Variants in PI4KA observed in about 807,000 individuals in gnomAD.
PI4KA encodes phosphatidylinositol 4-kinase alpha, also known as PI4-kinase alpha.
Under a neutral mutation model 271.4 loss-of-function variants are expected in PI4KA, and 122 were observed. That is an observed-to-expected ratio of 0.45 (90% CI 0.39 to 0.52). The LOEUF (loss-of-function observed/expected upper bound fraction) is 0.52, where lower values mean the gene tolerates loss of function less well. Ranked by LOEUF, PI4KA falls within the 20% of genes least tolerant of loss-of-function variation. The pLI, the probability that PI4KA is intolerant of heterozygous loss-of-function variation, is 0.00. For missense variants in PI4KA, 1,969 were observed against 2,769.1 expected (o/e 0.71, Z 6.48); for synonymous variants, 1,041 against 1,078.8 (o/e 0.96, Z 0.69).
rs1236652017 is a variant in PI4KA at position 20,807,352 on chromosome 22, C to T, written c.1168+10G>A. ...CTGTACTCACAAACACATGGGCAAA[C>T]TGTCCTCACCCTTCATGTAGTACAG... On this transcript the variant is annotated intron_variant, in intron 10 of 54. Coordinates refer to ENST00000255882, the MANE Select transcript of PI4KA (RefSeq NM_058004.4). The T allele has an allele frequency of 4.5e-6, 7 of 1,569,750 alleles. No individual in the cohort carries two copies. The South Asian group carries it at 7.8e-5, about 17-fold the overall frequency.
chr22:20,783,836 G>C, intron 19 of PI4KA: 1 of 1,172,790 alleles, frequency 8.5e-7, no homozygotes. Context: ...TCAGGCCTCA[G>C]GAATCAAGAG....
rs756283140 is a variant in PI4KA at position 20,714,571 on chromosome 22, G to C, written c.5391-43C>G. ...AATGTGGCACCCATGATGCAGCCGAGAAAAACTTCGCACGCGGACGCGTGG... is the reference window on the plus strand; with the variant it reads ...AATGTGGCACCCATGATGCAGCCGACAAAAACTTCGCACGCGGACGCGTGG... On this transcript the variant is annotated intron_variant, in intron 46 of 54. Transcript: ENST00000255882. 1.6e-5 allele frequency: 26 copies of C among 1,613,862 alleles called. 1 individual carries two copies. In the South Asian group the frequency reaches 2.5e-4, roughly 16 times the overall value.
Position 20,765,707 on chromosome 22 carries a change from AAG to A in PI4KA, c.2329-16_2329-15del. 1 of 1,568,556 alleles carries A rather than the reference AAG, an allele frequency of 6.4e-7. No homozygotes were observed. ...TCGTCGGGTGAGCTGATGTGCCAAG[AAG>A]AGAGGGAGAAAGGAGGTTATTTGCT... On this transcript the variant is annotated splice_polypyrimidine_tract_variant and intron_variant, in intron 19 of 54. Transcript: ENST00000255882.
intron 20 of PI4KA, 38 bp from the exon 21 acceptor site, chr22:20,765,274 G>T: frequency 6.4e-7 from 1 of 1,569,736 alleles, no homozygotes; most frequent in Non-Finnish European, 8.7e-7. Context: ...AATCACCTTG[G>T]TCGGAAAGCA....
chr22:20,851,876 T>C (rs1927026859), intron 1 of PI4KA, among the ~76,000 whole-genome samples: 1 of 152,190 alleles, frequency 6.6e-6, no homozygotes, highest in Non-Finnish European at 1.5e-5. Context: ...TTCTCCAGCA[T>C]GCCAACATAT....
At chr22:20,710,939 A>G in intron 51 of PI4KA, 81 bp from the exon 52 acceptor site, 4 of 1,517,600 alleles carry the variant, frequency 2.6e-6, no homozygotes, top group Non-Finnish European at 3.7e-6. Context: ...GAGGAGTGGA[A>G]AAGGACTGCA....
At chr22:20,744,605 G>A in intron 30 of PI4KA, 23 bp downstream of exon 30, 1 of 1,588,668 alleles carries the variant, frequency 6.3e-7, no homozygotes, top group Non-Finnish European at 8.6e-7. Context: ...AAAGGCCCTA[G>A]GGCGCAAGGA....
intron 51 of PI4KA, 117 bp from the exon 52 acceptor site, chr22:20,710,975 C>T (rs371682022): frequency 7.2e-6 from 8 of 1,113,286 alleles, no homozygotes; most frequent in South Asian, 2.6e-5. Flanking sequence ...CCACCCCCAA[C>T]AGGCAGGTTG....
chr22:20,713,535 G>A, intron 47 of PI4KA, 145 bp from the exon 48 acceptor site: 1 of 653,638 alleles, frequency 1.5e-6, no homozygotes, highest in East Asian at 2.7e-5. Flanking sequence ...AGGCCAAGGA[G>A]GAGCCCAGCA....
intron 36 of PI4KA, among the ~76,000 whole-genome samples, chr22:20,730,819 C>T (rs1181525278): frequency 6.6e-6 from 1 of 152,082 alleles, no homozygotes; most frequent in Non-Finnish European, 1.5e-5. Context: ...ATCCACCTGC[C>T]TTGGCCTCCC....
At chr22:20,758,457 T>TAG (rs1218495951) in intron 23 of PI4KA, among the ~76,000 whole-genome samples, 19 of 130,286 alleles carry the variant, frequency 1.5e-4, no homozygotes, top group Non-Finnish European at 2.4e-4. Flanking sequence ...TTTCTTTCTT[T>TAG]TCTTTTTTTT....
chr22:20,746,132 G>C (rs1001845802), intron 29 of PI4KA, among the ~76,000 whole-genome samples: 5 of 146,432 alleles, frequency 3.4e-5, no homozygotes, highest in Non-Finnish European at 7.4e-5. Flanking sequence ...GCGGGATCTC[G>C]GCTCACTGCA....
intron 32 of PI4KA, among the ~76,000 whole-genome samples, chr22:20,738,653 G>A (rs1929018371): frequency 6.6e-6 from 1 of 152,120 alleles, no homozygotes; most frequent in Admixed American, 6.5e-5. Flanking sequence ...GAGTGTGAGT[G>A]GGTGGAGAAG....
chr22:20,809,974 T>C (rs1362907299), intron 9 of PI4KA, among the ~76,000 whole-genome samples: 6 of 151,960 alleles, frequency 3.9e-5, no homozygotes, highest in Non-Finnish European at 8.8e-5. Context: ...CCAGGTACAG[T>C]GGTATCAGGC....
At chr22:20,800,373 G>A (rs1049947433) in intron 14 of PI4KA, among the ~76,000 whole-genome samples, 6 of 152,146 alleles carry the variant, frequency 3.9e-5, no homozygotes, top group African/African-American at 1.4e-4. Context: ...TAGCTCTCAA[G>A]TTGGAAGAAC....
rs538649624 is a variant in PI4KA at position 20,822,072 on chromosome 22, C to T, written c.457-1461G>A. On this transcript the variant is annotated intron_variant, in intron 4 of 54. Coordinates refer to ENST00000255882, the MANE Select transcript of PI4KA (RefSeq NM_058004.4). ...TGAGGGTCACTTGAGCCCAGGAGGC[C>T]GAGGATATAGTGAGCCAAGAACAGT... 1.7e-3 allele frequency among the ~76,000 whole-genome samples: 259 copies of T among 152,158 alleles called. 2 individuals are homozygous for T. Among genetic ancestry groups the T allele is most frequent in the African/African-American group, 6.0e-3 (249 of 41,490 alleles).
chr22:20,804,150 T>C, intron 12 of PI4KA, 150 bp downstream of exon 12: 1 of 624,720 alleles, frequency 1.6e-6, no homozygotes, highest in Non-Finnish European at 2.9e-6. Flanking sequence ...TGATGAACTG[T>C]GCACAGCACG....
At chr22:20,783,936 C>T (rs752340961) in intron 19 of PI4KA, 5 of 1,613,960 alleles carry the variant, frequency 3.1e-6, no homozygotes, top group Non-Finnish European at 4.2e-6. Context: ...CCTAAAGGAA[C>T]CTTCTCATAA....
At chr22:20,787,109 A>T (rs1250806332) in intron 19 of PI4KA, 22 of 1,537,480 alleles carry the variant, frequency 1.4e-5, no homozygotes, top group Non-Finnish European at 1.9e-5. Flanking sequence ...GGGCACCCTC[A>T]TTTTGTTTCC....
Sources: gnomAD v4.1 joint callset for allele counts (sites outside exome capture counted in the v4.1 genomes callset) on GRCh38, gnomAD v4.1.1 for gene constraint, MANE v1.5 for transcripts, NCBI Gene and HGNC (gene_info 2026-07-23, HGNC 2026-07-21) for gene names.